The following SLC19A1 variants were observed in gnomAD, a reference collection of about 807,000 sequenced individuals.
The protein encoded by SLC19A1 is solute carrier family 19 member 1.
SLC19A1 carries 37 observed loss-of-function variants against 35.3 expected under a neutral mutation model. That is an observed-to-expected ratio of 1.05 (90% CI 0.81 to 1.38). The LOEUF (loss-of-function observed/expected upper bound fraction) is 1.38, where lower values mean the gene tolerates loss of function less well. Among genes scored for constraint, SLC19A1 ranks in the 40% most tolerant of loss-of-function variants. SLC19A1 has a pLI of 0.00. For missense variants in SLC19A1, 831 were observed against 826.9 expected, an observed-to-expected ratio of 1.00 and a Z score of -0.06; for synonymous variants, 460 against 398.5, an observed-to-expected ratio of 1.15 and a Z score of -1.84.
rs944443358 is a variant in SLC19A1 at position 45,540,607 on chromosome 21, G to C, written c.-50+1761C>G. Among the ~76,000 whole-genome samples the C allele has an allele frequency of 6.6e-6, 1 of 152,132 alleles. No individual in the cohort carries two copies. The highest frequency in any genetic ancestry group is 2.4e-5 in the African/African-American group (1 of 41,416). On this transcript the variant is annotated intron_variant, in intron 1 of 5. Transcript: ENST00000311124. The surrounding 1 kb of genome is among the most constrained non-coding windows in gnomAD (Gnocchi z 5.5). ...CCACTGACAGAGGCTTGGCCATCAC[G>C]GCCCAGACCACCTCCAAGAGGAAAG...
chr21:45,505,855 A>C, intron 3 of SLC19A1: 1 of 1,606,854 alleles, frequency 6.2e-7, no homozygotes, highest in Non-Finnish European at 8.5e-7. Context: ...TCTGGGCTAC[A>C]CGCCAGGCCA....
Position 45,534,402 on chromosome 21 carries a change from G to A in SLC19A1, c.190-2254C>T, listed in dbSNP as rs914439383. Reference sequence around the variant, plus strand: ...CAGGAGGCTGCGTGGGGGCATGACAGCCCCAGCCCCTGGCCGGGGCACAGG... The same window carrying A: ...CAGGAGGCTGCGTGGGGGCATGACAACCCCAGCCCCTGGCCGGGGCACAGG... On this transcript the variant is annotated intron_variant, in intron 2 of 5. Transcript: ENST00000311124. The surrounding 1 kb of genome is among the most constrained non-coding windows in gnomAD (Gnocchi z 4.2). 11 of 707,040 alleles carry A rather than the reference G, an allele frequency of 1.6e-5. No homozygotes were observed. The highest frequency in any genetic ancestry group is 2.1e-5 in the Non-Finnish European group (9 of 425,452). 43.8% of individuals were successfully genotyped at this position (707,040 alleles called of 1,614,324 possible). A position where few individuals can be genotyped will look rare whatever the true frequency, so the allele number is the denominator to read the frequency against.
chr21:45,505,885 G>A, intron 3 of SLC19A1: 1 of 1,612,668 alleles, frequency 6.2e-7, no homozygotes, highest in Non-Finnish European at 8.5e-7. Flanking sequence ...AGGTGCACGA[G>A]GTTCCCGAGG....
chr21:45,515,870 C>A lies in SLC19A1; in HGVS notation c.1564G>T (p.Asp522Tyr). ...GCCGGGGCCTGGGCCAGGTATGGGT[C>A]GCTCTGTCTCTGCTCCAGGGAGGCT... ...GPASLEQRQSDPYLAQAPAPQ... is the reference protein window; with the variant it reads ...GPASLEQRQSYPYLAQAPAPQ... The change falls in exon 6 of 6, where the codon GAC (aspartate) becomes TAC (tyrosine). Residue 522 changes from aspartate (D) to tyrosine (Y), a missense_variant. By Grantham distance (160) the Asp-to-Tyr change is radical. Coordinates refer to ENST00000311124, the MANE Select transcript of SLC19A1 (RefSeq NM_194255.4). 5 of 1,580,390 alleles carry A rather than the reference C, an allele frequency of 3.2e-6. No individual in the cohort carries two copies. Among genetic ancestry groups the A allele is most frequent in the Non-Finnish European group, 4.3e-6 (5 of 1,162,510 alleles).
rs2146199864 is a variant in SLC19A1 at position 45,516,104 on chromosome 21, T to C, written c.1330A>G (p.Ile444Val). The C allele has an allele frequency of 1.9e-6, 3 of 1,607,258 alleles. No individual in the cohort carries two copies. The highest frequency in any genetic ancestry group is 2.2e-5 in the South Asian group (2 of 89,762). The change falls in exon 6 of 6, where the codon ATC becomes GTC. Residue 444 changes from isoleucine to valine, a missense_variant. Ile to Val is a conservative substitution (Grantham distance 29). Transcript: ENST00000311124. ...AGCATGGCCCCCAAGAAGTAGATGATGGACAGGATCAGGAAGTACACGGAG... is the reference window on the plus strand; with the variant it reads ...AGCATGGCCCCCAAGAAGTAGATGACGGACAGGATCAGGAAGTACACGGAG... ...LYSVYFLILS[I>V]IYFLGAMLDG...
chr21:45,532,274 C>T, intron 2 of SLC19A1, 126 bp from the exon 3 acceptor site: 1 of 704,384 alleles, frequency 1.4e-6, no homozygotes, highest in Non-Finnish European at 2.4e-6. Context: ...GGACCCCTCT[C>T]CCCAACACGC....
intron 1 of SLC19A1, among the ~76,000 whole-genome samples, chr21:45,562,129 C>CAAAAAA (rs34594751): frequency 1.6e-5 from 2 of 121,576 alleles, no homozygotes; most frequent in African/African-American, 6.4e-5. Context: ...GACTCTGTCT[C>CAAAAAA]AAAAAAAAAA....
At chr21:45,502,999 G>A (rs1364171344) in intron 3 of SLC19A1, 1 of 152,116 alleles carries the variant, frequency 6.6e-6, no homozygotes, top group Non-Finnish European at 1.5e-5. Context: ...GTTTTAAAAA[G>A]GCACCATTGT....
In SLC19A1 at chr21:45,534,902, C is replaced by T. The variant is rs760975581; in HGVS notation, c.190-2754G>A. Among the ~76,000 whole-genome samples the T allele has an allele frequency of 5.9e-5, 9 of 152,280 alleles. No individual in the cohort carries two copies. Among genetic ancestry groups the T allele is most frequent in the Non-Finnish European group, 1.0e-4 (7 of 68,048 alleles). On this transcript the variant is annotated intron_variant, in intron 2 of 5. Coordinates refer to ENST00000311124, the MANE Select transcript of SLC19A1 (RefSeq NM_194255.4). This position sits in a 1 kb window ranked among gnomAD's most constrained non-coding sequence, Gnocchi z 4.2. The stretch of plus-strand genomic sequence containing the variant: ...CTGCCTGAGCCCAGCGTCGGCCCTG[C>T]TCTCCACAGGTCTTGGTTGGGGTCC...
rs745775690 is a variant in SLC19A1 at position 45,512,709 on chromosome 21, G to A, written c.*2949C>T. The A allele has an allele frequency of 2.9e-5, 13 of 441,412 alleles. No homozygotes were observed. The highest frequency in any genetic ancestry group is 5.0e-5 in the Non-Finnish European group (12 of 239,124). The allele number at this position is 441,412 out of a possible 1,614,324, so 27.3% of individuals were successfully genotyped here. ...TCTTGGCCTGATCAGACCACGGCTC[G>A]ATTTCTCCAGGATTTCCTGCTTTGG... is the stretch of plus-strand genomic sequence containing the variant. On this transcript the variant is annotated 3_prime_UTR_variant, in exon 6 of 6. Transcript: ENST00000311124.
rs1247748989 is a variant in SLC19A1, at chr21:45,514,950, TGTG to T, written c.*705_*707del. ...CCAGTCCCCTCCGGGCTGGCACAAG[TGTG>T]GGAGCAGCTGAGGACCCGCAGGTCA... is the stretch of plus-strand genomic sequence containing the variant. On this transcript the variant is annotated 3_prime_UTR_variant, in exon 6 of 6. Coordinates refer to ENST00000311124, the MANE Select transcript of SLC19A1 (RefSeq NM_194255.4). 2.1e-6 allele frequency: 3 copies of T among 1,459,136 alleles called. No individual in the cohort carries two copies. The highest frequency in any genetic ancestry group is 2.7e-6 in the Non-Finnish European group (3 of 1,102,788). The allele number at this position is 1,459,136 out of a possible 1,614,324, so 90.4% of individuals were successfully genotyped here. A position where few individuals can be genotyped will look rare whatever the true frequency, so the allele number is the denominator to read the frequency against.
intron 1 of SLC19A1, among the ~76,000 whole-genome samples, chr21:45,551,958 G>A (rs897578774): frequency 3.3e-5 from 5 of 152,142 alleles, no homozygotes; most frequent in South Asian, 4.1e-4. Context: ...CACCGCCTGC[G>A]TGTTCTGCCG....
At chr21:45,505,623 G>A (rs546857750) in intron 3 of SLC19A1, among the ~76,000 whole-genome samples, 15 of 152,256 alleles carry the variant, frequency 9.9e-5, no homozygotes, top group South Asian at 2.1e-4. Context: ...ACCACCAGCC[G>A]GGAAGTGCCC....
At chr21:45,541,484 G>A (rs1340030633) in intron 1 of SLC19A1, among the ~76,000 whole-genome samples, 1 of 152,230 alleles carries the variant, frequency 6.6e-6, no homozygotes, top group Non-Finnish European at 1.5e-5. Flanking sequence ...TGGATTTCGG[G>A]GCCAGCTTAG....
chr21:45,556,901 A>T (rs1343052292), intron 1 of SLC19A1, among the ~76,000 whole-genome samples: 2 of 150,926 alleles, frequency 1.3e-5, no homozygotes, highest in Non-Finnish European at 2.9e-5. Flanking sequence ...ACGGCGACTC[A>T]GATGCATGTG....
Position 45,515,978 on chromosome 21 carries a change from CG to C in SLC19A1, c.1455del (p.Ser485ArgfsTer53). ...AGGCCTCCGAGGCCCTTGTCCTGCA[CG>C]CTCAGTGCCTGTGCTGCCTTCTCCT... ...AAEEKAAQALSVQDKGLGGLQ... is the reference protein window; with the variant it reads ...AAEEKAAQALXVQDKGLGGLQ... On this transcript the variant is annotated frameshift_variant, in exon 6 of 6. Transcript: ENST00000311124. LOFTEE classifies it low-confidence loss of function (END_TRUNC). 6.4e-7 allele frequency: 1 copy of C among 1,554,992 alleles called. No homozygotes were observed. Among genetic ancestry groups the C allele is most frequent in the Non-Finnish European group, 8.7e-7 (1 of 1,150,436 alleles).
intron 1 of SLC19A1, among the ~76,000 whole-genome samples, chr21:45,555,429 G>A (rs1437063581): frequency 2.8e-5 from 3 of 108,636 alleles, no homozygotes; most frequent in Non-Finnish European, 5.8e-5. Flanking sequence ...GGGGCCGTGG[G>A]GGGTGTTGGG....
At chr21:45,552,269 T>A (rs1198821209) in intron 1 of SLC19A1, among the ~76,000 whole-genome samples, 5 of 152,124 alleles carry the variant, frequency 3.3e-5, no homozygotes, top group Non-Finnish European at 7.4e-5. Flanking sequence ...GGGAGCTACA[T>A]CCTGGCCTCA....
chr21:45,546,379 G>A (rs1450503255), upstream of SLC19A1, among the ~76,000 whole-genome samples: 1 of 152,258 alleles, frequency 6.6e-6, no homozygotes, highest in Non-Finnish European at 1.5e-5. Flanking sequence ...ACCTGGGCCT[G>A]TGCCTGCCAC....
Sources: gnomAD v4.1 joint callset for allele counts (sites outside exome capture counted in the v4.1 genomes callset) on GRCh38, gnomAD v4.1.1 for gene constraint, Gnocchi (gnomAD v3.1) non-coding constraint, MANE v1.5 for transcripts, NCBI Gene and HGNC (gene_info 2026-07-23, HGNC 2026-07-21) for gene names.